RDX: variants seen among roughly 807,000 people sequenced by gnomAD.
RDX encodes radixin.
In RDX, 32 loss-of-function variants were observed where a neutral mutation model predicts 83.7. The observed-to-expected ratio is 0.38, with a 90% confidence interval of 0.29 to 0.51. The LOEUF (loss-of-function observed/expected upper bound fraction) is 0.51, where lower values mean the gene tolerates loss of function less well. RDX is among the 20% of genes least tolerant of loss of function. The pLI is 0.87. For synonymous variants in RDX, 229 were observed against 222.7 expected, an observed-to-expected ratio of 1.03 and a Z score of -0.25; for missense variants, 600 against 689.9, an observed-to-expected ratio of 0.87 and a Z score of 1.46.
intron 15 of RDX, chr11:110,181,908 C>A (rs1862894555): frequency 6.6e-6 from 1 of 152,390 alleles, no homozygotes; most frequent in Admixed American, 6.5e-5. Context: ...CAGGCACACC[C>A]TGGAGTCATC....
chr11:110,227,144 C>T (rs892068199), downstream of RDX, among the ~76,000 whole-genome samples: 6 of 151,610 alleles, frequency 4.0e-5, no homozygotes, highest in African/African-American at 1.5e-4. Flanking sequence ...AAACACGATT[C>T]GTAAGTCTAA....
intron 11 of RDX, chr11:110,236,642 A>G (rs1864862884): frequency 1.2e-5 from 2 of 165,714 alleles, no homozygotes; most frequent in South Asian, 1.5e-4. Flanking sequence ...TTTTTTTCAG[A>G]CAGAGTCTCG....
chr11:110,178,141 G>C (rs1030651714), intron 15 of RDX, among the ~76,000 whole-genome samples: 3 of 152,102 alleles, frequency 2.0e-5, no homozygotes. Flanking sequence ...CTCTGCCAGG[G>C]ATAACCTCCA....
chr11:110,274,997 C>A (rs564168962), intron 2 of RDX, among the ~76,000 whole-genome samples: 6 of 152,302 alleles, frequency 3.9e-5, no homozygotes, highest in Non-Finnish European at 8.8e-5. Context: ...TACAATGTAA[C>A]TGTGTCAATG....
intron 15 of RDX, among the ~76,000 whole-genome samples, chr11:110,181,411 C>T (rs1862884696): frequency 6.6e-6 from 1 of 152,158 alleles, no homozygotes; most frequent in East Asian, 1.9e-4. Flanking sequence ...ATCTGCCCGC[C>T]TCGGCCTCCC....
intron 14 of RDX, among the ~76,000 whole-genome samples, chr11:110,211,757 G>C (rs1479079612): frequency 6.6e-6 from 1 of 150,566 alleles, no homozygotes; most frequent in East Asian, 1.9e-4. Flanking sequence ...CGAAATGAAG[G>C]CAGAAATAAA....
intron 14 of RDX, among the ~76,000 whole-genome samples, chr11:110,201,903 T>TTGTA (rs369259369): frequency 1.0e-4 from 14 of 137,220 alleles, no homozygotes; most frequent in African/African-American, 3.7e-4. Flanking sequence ...CCGGCTAATT[T>TTGTA]TGTGTGTGTG....
Position 110,237,498 on chromosome 11 carries a change from C to T in RDX, c.1245G>A (p.Glu415=), listed in dbSNP as rs1864905097. Residue 415 remains glutamate, a synonymous_variant, in exon 11 of 14, where the codon GAG becomes GAA. Transcript: ENST00000645495. ...KQAADQMKNQ[E]QLAAELAEFT... The stretch of plus-strand genomic sequence containing the variant: ...TAAGAAGACAGTTCCTTACTAGCTG[C>T]TCCTGATTCTTCATCTGGTCGGCAG... 2.5e-6 allele frequency: 4 copies of T among 1,612,396 alleles called. No homozygotes were observed. The South Asian group carries it at 3.3e-5, about 13-fold the overall frequency.
At chr11:110,269,812 C>T (rs186245892) in intron 3 of RDX, among the ~76,000 whole-genome samples, 4 of 152,096 alleles carry the variant, frequency 2.6e-5, no homozygotes, top group South Asian at 2.1e-4. Flanking sequence ...CCGAGGGAGG[C>T]GGATCACTTG....
chr11:110,241,410 C>A (rs1212405857), intron 10 of RDX, among the ~76,000 whole-genome samples: 1 of 152,086 alleles, frequency 6.6e-6, no homozygotes, highest in African/African-American at 2.4e-5. Flanking sequence ...AATTCTCCTG[C>A]CTCAGCCTCC....
chr11:110,257,207 G>A (rs1859581227), intron 7 of RDX, among the ~76,000 whole-genome samples: 1 of 150,706 alleles, frequency 6.6e-6, no homozygotes, highest in African/African-American at 2.4e-5. Flanking sequence ...AATTATATAT[G>A]TATAATAAAA....
rs542350606 is a variant in RDX, at chr11:110,260,355, G to T, written c.468-2166C>A. Among the ~76,000 whole-genome samples, 4 of 152,180 alleles carry T rather than the reference G, an allele frequency of 2.6e-5. No individual in the cohort carries two copies. In the East Asian group the frequency reaches 7.7e-4, roughly 29 times the overall value. On this transcript the variant is annotated intron_variant, in intron 5 of 13. Coordinates refer to ENST00000645495, the MANE Select transcript of RDX (RefSeq NM_002906.4). ...AGATACTTTAGTTCTCCTCATATTT[G>T]ACCTCTTGGTACCATTTGGCAGTGC...
chr11:110,246,076 C>T (rs1011542775), intron 10 of RDX, among the ~76,000 whole-genome samples: 9 of 152,042 alleles, frequency 5.9e-5, no homozygotes, highest in South Asian at 4.2e-4. Flanking sequence ...TTTTATTTTT[C>T]GGAGAGATAA....
At chr11:110,247,904 C>G (rs1859176294) in intron 9 of RDX, 71 bp from the exon 10 acceptor site, 1 of 1,494,350 alleles carries the variant, frequency 6.7e-7, no homozygotes. Context: ...GAATACTACT[C>G]TGCCATAAAA....
intron 12 of RDX, among the ~76,000 whole-genome samples, chr11:110,235,497 T>C (rs1456958226): frequency 1.3e-5 from 2 of 152,194 alleles, no homozygotes; most frequent in Non-Finnish European, 2.9e-5. Context: ...ATCCCAATCC[T>C]TTCTTCACAC....
intron 10 of RDX, among the ~76,000 whole-genome samples, chr11:110,238,105 C>T (rs10891076): frequency 0.45 from 68,080 of 152,036 alleles, 15,457 homozygotes; most frequent in East Asian, 0.61. Context: ...TAATACATTT[C>T]AAAACTTCCA....
At chr11:110,257,323 T>C (rs935003557) in intron 7 of RDX, among the ~76,000 whole-genome samples, 3 of 152,076 alleles carry the variant, frequency 2.0e-5, no homozygotes, top group African/African-American at 4.8e-5. Flanking sequence ...TTCCTATATA[T>C]AAATGTTCAA....
At chr11:110,223,755 AC>A (rs1864336797) in intron 14 of RDX, among the ~76,000 whole-genome samples, 1 of 152,204 alleles carries the variant, frequency 6.6e-6, no homozygotes, top group Admixed American at 6.5e-5. Context: ...AGCATAATCA[AC>A]TACAGTTTTT....
At chr11:110,280,543 C>T (rs1591181597) in intron 1 of RDX, among the ~76,000 whole-genome samples, 2 of 152,240 alleles carry the variant, frequency 1.3e-5, no homozygotes, top group East Asian at 3.8e-4. Context: ...GCCACTGCGC[C>T]TGGCTTATTT....
Sources: gnomAD v4.1 joint callset for allele counts (sites outside exome capture counted in the v4.1 genomes callset) on GRCh38, gnomAD v4.1.1 for gene constraint, MANE v1.5 for transcripts, NCBI Gene and HGNC (gene_info 2026-07-23, HGNC 2026-07-21) for gene names.